Variants in CTNNA2 observed in about 807,000 individuals in gnomAD.
CTNNA2 encodes catenin alpha 2.
A neutral mutation model predicts 101.0 loss-of-function variants in CTNNA2; 42 were observed. The observed-to-expected ratio is 0.42, with a 90% CI of 0.32 to 0.54. The LOEUF (loss-of-function observed/expected upper bound fraction) is 0.54, where lower values mean the gene tolerates loss of function less well. CTNNA2 is among the 20% of genes least tolerant of loss of function. The pLI, the probability that CTNNA2 is intolerant of heterozygous loss-of-function variation, is 0.14. For missense variants in CTNNA2, 871 were observed against 1,223.1 expected (o/e 0.71, Z 4.29); for synonymous variants, 450 against 456.4 (o/e 0.99, Z 0.18).
chr2:79,268,418 G>A (rs1207703039), intron 2 of CTNNA2, among the ~76,000 whole-genome samples: 2 of 152,086 alleles, frequency 1.3e-5, no homozygotes, highest in African/African-American at 4.8e-5. Context: ...CTCACCCCAT[G>A]CACCTCTTCA....
rs183125765 is a variant in CTNNA2 at position 80,435,565 on chromosome 2, G to A, written c.1290+15964G>A. Among the ~76,000 whole-genome samples the A allele has an allele frequency of 2.0e-5, 3 of 152,264 alleles. No homozygotes were observed. The East Asian group carries it at 5.8e-4, about 29-fold the overall frequency. ...TCCCACTGATTTCTTTTTAACTAAG[G>A]CAGCTAGCTTAAAATAAGCCTCTAA... On this transcript the variant is annotated intron_variant, in intron 9 of 18. Transcript: ENST00000402739.
At position 79,700,569 on chromosome 2, in the gene CTNNA2, GCAA is replaced by G. The variant is rs1474936730; in HGVS notation, c.103-43805_103-43803del. Among the ~76,000 whole-genome samples, 3 of 152,084 alleles carry G rather than the reference GCAA, an allele frequency of 2.0e-5. No homozygotes were observed. In the East Asian group the frequency reaches 5.8e-4, roughly 29 times the overall value. ...TTTCCTGCCTGCCCTCCTTAGAATG[GCAA>G]CAACAACAACAAAAAAAGAGTAGCG... On this transcript the variant is annotated intron_variant, in intron 2 of 18. Transcript: ENST00000402739.
intron 9 of CTNNA2, among the ~76,000 whole-genome samples, chr2:80,439,776 C>T (rs1418732307): frequency 6.6e-6 from 1 of 152,148 alleles, no homozygotes; most frequent in African/African-American, 2.4e-5. Context: ...TCAATATATA[C>T]TTGGTCCTTG....
intron 3 of CTNNA2, among the ~76,000 whole-genome samples, chr2:79,815,109 T>C (rs1177937567): frequency 6.6e-6 from 1 of 152,092 alleles, no homozygotes; most frequent in African/African-American, 2.4e-5. Flanking sequence ...CTTAGGGCAC[T>C]TTTGATGGGA....
intron 2 of CTNNA2, among the ~76,000 whole-genome samples, chr2:79,271,086 A>C (rs1675070854): frequency 6.6e-6 from 1 of 152,144 alleles, no homozygotes; most frequent in South Asian, 2.1e-4. Context: ...AAAAGTTATG[A>C]GACATGAAAG....
In CTNNA2 at chr2:79,900,758, A is replaced by G. The variant is rs1282105748; in HGVS notation, c.853-8836A>G. On this transcript the variant is annotated intron_variant, in intron 6 of 18. Transcript: ENST00000402739. ...ATATTAAAAGGTAAATAGAAGAGCC[A>G]ATAATAATTCATAATACATTTAAAA... Among the ~76,000 whole-genome samples the G allele has an allele frequency of 2.0e-5, 3 of 152,236 alleles. No homozygotes were observed. In the East Asian group the frequency reaches 5.8e-4, roughly 29 times the overall value.
chr2:80,540,910 G>T (rs754880641), intron 9 of CTNNA2, among the ~76,000 whole-genome samples: 3 of 152,110 alleles, frequency 2.0e-5, no homozygotes, highest in African/African-American at 4.8e-5. Context: ...TTCCCAGGCT[G>T]GTCTTCAACT....
intron 7 of CTNNA2, among the ~76,000 whole-genome samples, chr2:80,107,998 C>A (rs1700995421): frequency 6.6e-6 from 1 of 152,194 alleles, no homozygotes; most frequent in African/African-American, 2.4e-5. Context: ...ACTGCTTTCA[C>A]CTAGCGGGCC....
At chr2:79,919,661 C>A (rs1686517789) in intron 7 of CTNNA2, among the ~76,000 whole-genome samples, 1 of 152,142 alleles carries the variant, frequency 6.6e-6, no homozygotes, top group Non-Finnish European at 1.5e-5. Context: ...AGGCTGCACT[C>A]CACCATCAAA....
chr2:79,692,762 C>T (rs750381583), intron 2 of CTNNA2, among the ~76,000 whole-genome samples: 32 of 151,270 alleles, frequency 2.1e-4, no homozygotes, highest in Admixed American at 6.6e-4. Context: ...TCTCAGCAAA[C>T]TATCACAGGA....
At chr2:79,784,033 C>A (rs1674652886) in intron 3 of CTNNA2, among the ~76,000 whole-genome samples, 1 of 152,116 alleles carries the variant, frequency 6.6e-6, no homozygotes, top group Admixed American at 6.5e-5. Context: ...AGTTTTTCTT[C>A]TGCTCATATT....
intron 1 of CTNNA2, among the ~76,000 whole-genome samples, chr2:79,563,189 T>TATATATATATATATA (rs879673133): frequency 0.011 from 438 of 40,182 alleles, 8 homozygotes; most frequent in African/African-American, 0.015. Context: ...ATATATATAT[T>TATATATATATATATA]TTCCTTCATT....
intron 4 of CTNNA2, among the ~76,000 whole-genome samples, chr2:79,382,355 A>G (rs922149391): frequency 6.6e-6 from 1 of 151,996 alleles, no homozygotes; most frequent in Non-Finnish European, 1.5e-5. Context: ...ACATGAGCCA[A>G]TCTCTCATAA....
chr2:80,314,372 C>T (rs570105313), intron 7 of CTNNA2, among the ~76,000 whole-genome samples: 1 of 152,254 alleles, frequency 6.6e-6, no homozygotes, highest in Admixed American at 6.5e-5. Flanking sequence ...TACCAGTTTG[C>T]AGAGCCTCTA....
chr2:79,558,973 T>G (rs1028109422), intron 1 of CTNNA2, among the ~76,000 whole-genome samples: 1 of 151,858 alleles, frequency 6.6e-6, no homozygotes, highest in Non-Finnish European at 1.5e-5. Flanking sequence ...CATCACTCTT[T>G]CTCTCTTCCC....
chr2:79,242,487 A>G (rs562277878), intron 2 of CTNNA2, among the ~76,000 whole-genome samples: 29 of 152,210 alleles, frequency 1.9e-4, no homozygotes, highest in African/African-American at 6.3e-4. Context: ...GTAACTCCAC[A>G]TACTCTCTGG....
At chr2:79,481,580 G>A (rs932935619) in intron 4 of CTNNA2, among the ~76,000 whole-genome samples, 5 of 151,990 alleles carry the variant, frequency 3.3e-5, no homozygotes, top group Admixed American at 2.0e-4. Flanking sequence ...GTACAAACAC[G>A]TACACATACA....
intron 9 of CTNNA2, among the ~76,000 whole-genome samples, chr2:80,451,428 C>A (rs1683496522): frequency 6.6e-6 from 1 of 152,128 alleles, no homozygotes; most frequent in African/African-American, 2.4e-5. Context: ...TGAGGCCTCC[C>A]CAGCCCTGTG....
intron 4 of CTNNA2, among the ~76,000 whole-genome samples, chr2:79,487,234 T>C (rs960042801): frequency 8.1e-6 from 1 of 124,088 alleles, no homozygotes. Context: ...AAGGGAAAGA[T>C]TGTAAATATT....
Sources: allele counts gnomAD v4.1 joint callset (sites outside exome capture counted in the v4.1 genomes callset), GRCh38; gene constraint gnomAD v4.1.1; transcripts MANE v1.5; gene names NCBI Gene and HGNC (gene_info 2026-07-23, HGNC 2026-07-21).